Variants in DOK6 observed in about 807,000 individuals in gnomAD.
The protein encoded by DOK6 is docking protein 6.
Under a neutral mutation model 44.0 loss-of-function variants are expected in DOK6, and 22 were observed. The ratio of observed to expected loss-of-function variants is 0.50; its 90% CI spans 0.36 to 0.71. The LOEUF (loss-of-function observed/expected upper bound fraction) is 0.71, where lower values mean the gene tolerates loss of function less well. DOK6 is among the 30% of genes least tolerant of loss of function. DOK6 has a pLI of 0.00. For synonymous variants in DOK6, 166 were observed against 145.5 expected (o/e 1.14, Z -1.01); for missense variants, 340 against 416.4 (o/e 0.82, Z 1.60).
At chr18:69,750,132 A>T (rs1305420237) in intron 6 of DOK6, among the ~76,000 whole-genome samples, 1 of 150,854 alleles carries the variant, frequency 6.6e-6, no homozygotes, top group Non-Finnish European at 1.5e-5. Flanking sequence ...ACAAGTGCAG[A>T]TGAAACAAAG....
chr18:69,565,626 G>A (rs566375498), intron 2 of DOK6, among the ~76,000 whole-genome samples: 1 of 151,806 alleles, frequency 6.6e-6, no homozygotes, highest in Admixed American at 6.6e-5. Context: ...CTCCTGCCTT[G>A]ATTTCCCAAA....
intron 3 of DOK6, among the ~76,000 whole-genome samples, chr18:69,649,916 A>G (rs1440017265): frequency 6.6e-6 from 1 of 152,098 alleles, no homozygotes; most frequent in Admixed American, 6.5e-5. Flanking sequence ...AATAATCATG[A>G]TTTTTTAAAA....
chr18:69,663,115 G>C (rs1287498300), intron 3 of DOK6: 1 of 152,170 alleles, frequency 6.6e-6, no homozygotes, highest in Non-Finnish European at 1.5e-5. Context: ...TCAACCTTAG[G>C]GATATAGTTA....
intron 3 of DOK6, among the ~76,000 whole-genome samples, chr18:69,664,560 A>G (rs1380587156): frequency 6.6e-6 from 1 of 152,226 alleles, no homozygotes; most frequent in Admixed American, 6.5e-5. Context: ...GTAATGGTCA[A>G]AACCACTAGC....
At position 69,757,639 on chromosome 18, in the gene DOK6, G is replaced by A. The variant is rs1023376482; in HGVS notation, c.739-117G>A. 10 of 767,634 alleles carry A rather than the reference G, an allele frequency of 1.3e-5. No individual in the cohort carries two copies. The African/African-American group carries it at 1.7e-4, about 13-fold the overall frequency. The allele number at this position is 767,634 out of a possible 1,614,324, so 47.6% of individuals were successfully genotyped here. ...AAGTTATCCTTACACCGGGGATCAT[G>A]CAGGTATCTATAGCAGATTCTATCT... is the stretch of plus-strand genomic sequence containing the variant. On this transcript the variant is annotated intron_variant, in intron 6 of 7. Coordinates refer to ENST00000382713, the MANE Select transcript of DOK6 (RefSeq NM_152721.6).
At chr18:69,809,565 G>GACAC (rs57753226) in intron 7 of DOK6, among the ~76,000 whole-genome samples, 5,043 of 146,178 alleles carry the variant, frequency 0.034, 281 homozygotes, top group African/African-American at 0.12. Context: ...CACACACACA[G>GACAC]ACACACACAC....
intron 2 of DOK6, among the ~76,000 whole-genome samples, chr18:69,577,320 C>T (rs903975688): frequency 2.0e-5 from 3 of 152,044 alleles, no homozygotes; most frequent in Admixed American, 1.3e-4. Flanking sequence ...ATATGTCATG[C>T]GATGTGAAAG....
Position 69,841,433 on chromosome 18 carries a change from C to T in DOK6, c.*50C>T. The T allele has an allele frequency of 6.2e-7, 1 of 1,608,514 alleles. No homozygotes were observed. The highest frequency in any genetic ancestry group is 8.5e-7 in the Non-Finnish European group (1 of 1,176,302). On this transcript the variant is annotated 3_prime_UTR_variant, in exon 8 of 8. Coordinates refer to ENST00000382713, the MANE Select transcript of DOK6 (RefSeq NM_152721.6). ...GAGAGACAGTCTGTCCTGGACCCGTCTGTGGGGTCATTACCCTCTGCCTCC... is the reference window on the plus strand; with the variant it reads ...GAGAGACAGTCTGTCCTGGACCCGTTTGTGGGGTCATTACCCTCTGCCTCC...
intron 7 of DOK6, among the ~76,000 whole-genome samples, chr18:69,833,232 G>A (rs1981952169): frequency 6.6e-6 from 1 of 152,020 alleles, no homozygotes; most frequent in Admixed American, 6.6e-5. Context: ...ACAATGGAAA[G>A]AGTTGAGGAC....
At chr18:69,746,106 TAGAG>T (rs142624020) in intron 6 of DOK6, among the ~76,000 whole-genome samples, 11 of 152,126 alleles carry the variant, frequency 7.2e-5, no homozygotes, top group Non-Finnish European at 1.3e-4. Context: ...ATAGAGATAA[TAGAG>T]AGATTAAGAA....
At chr18:69,686,446 C>T in intron 4 of DOK6, among the ~76,000 whole-genome samples, 1 of 152,088 alleles carries the variant, frequency 6.6e-6, no homozygotes, top group Non-Finnish European at 1.5e-5. Context: ...TAACTTTTCA[C>T]TTTAATATAT....
intron 7 of DOK6, among the ~76,000 whole-genome samples, chr18:69,758,777 G>A (rs976160355): frequency 7.9e-5 from 12 of 152,224 alleles, no homozygotes; most frequent in African/African-American, 2.9e-4. Context: ...GACCAAGTAT[G>A]ACCCTCTGGT....
At chr18:69,821,997 A>C (rs1981587176) in intron 7 of DOK6, among the ~76,000 whole-genome samples, 1 of 152,060 alleles carries the variant, frequency 6.6e-6, no homozygotes, top group Non-Finnish European at 1.5e-5. Flanking sequence ...TCTTTTCTCT[A>C]GTGAAAAAAA....
intron 7 of DOK6, among the ~76,000 whole-genome samples, chr18:69,840,849 A>G (rs1049503992): frequency 6.6e-6 from 1 of 152,242 alleles, no homozygotes; most frequent in Non-Finnish European, 1.5e-5. Context: ...GAAATTGAGC[A>G]TAAAGGAAAA....
In DOK6 at chr18:69,828,884, G is replaced by GTATATATATATATATATATATATA. The variant is rs74175393; in HGVS notation, c.857-12344_857-12343insTATATATATATATATATATATATA. Reference sequence around the variant, plus strand: ...ATTATTAATAGCAATACATTTATGTGTATATATATATATATAGTATGTATG... The same window carrying GTATATATATATATATATATATATA: ...ATTATTAATAGCAATACATTTATGTGTATATATATATATATATATATATATATATATATATATATAGTATGTATG... On this transcript the variant is annotated intron_variant, in intron 7 of 7. Coordinates refer to ENST00000382713, the MANE Select transcript of DOK6 (RefSeq NM_152721.6). Among the ~76,000 whole-genome samples the GTATATATATATATATATATATATA allele has an allele frequency of 9.4e-3, 842 of 90,012 alleles. 51 individuals are homozygous for GTATATATATATATATATATATATA. Among genetic ancestry groups the GTATATATATATATATATATATATA allele is most frequent in the African/African-American group, 0.019 (606 of 31,964 alleles). 59.1% of individuals were successfully genotyped at this position (90,012 alleles called of 152,430 possible). A position where few individuals can be genotyped will look rare whatever the true frequency, so the allele number is the denominator to read the frequency against.
intron 6 of DOK6, among the ~76,000 whole-genome samples, chr18:69,741,551 G>C (rs1568112432): frequency 1.3e-5 from 2 of 152,220 alleles, no homozygotes; most frequent in Non-Finnish European, 2.9e-5. Context: ...GGGCCAGAGT[G>C]TAATGATGTG....
At chr18:69,707,898 A>T (rs1986669257) in intron 5 of DOK6, among the ~76,000 whole-genome samples, 2 of 152,182 alleles carry the variant, frequency 1.3e-5, no homozygotes, top group South Asian at 4.1e-4. Context: ...TTGCACGGCG[A>T]ATCATAAAAT....
intron 7 of DOK6, among the ~76,000 whole-genome samples, chr18:69,800,154 C>T (rs181611415): frequency 6.6e-6 from 1 of 151,546 alleles, no homozygotes; most frequent in Non-Finnish European, 1.5e-5. Flanking sequence ...TGCATTGAAA[C>T]AGTAAATGAA....
intron 7 of DOK6, among the ~76,000 whole-genome samples, chr18:69,764,498 GATGGTTTCATAAGGAGCTTTTTCCCCTTC>G (rs1437650017): frequency 6.6e-6 from 1 of 152,126 alleles, no homozygotes; most frequent in Admixed American, 6.6e-5. Context: ...CATGAGATCT[GATGGTTTCATAAGGAGCTTTTTCCCCTTC>G]ATGCTCCAAT....
Sources: gnomAD v4.1 joint callset for allele counts (sites outside exome capture counted in the v4.1 genomes callset) on GRCh38, gnomAD v4.1.1 for gene constraint, MANE v1.5 for transcripts, NCBI Gene and HGNC (gene_info 2026-07-23, HGNC 2026-07-21) for gene names.